The following SMPD4 variants were observed in gnomAD, a reference collection of about 807,000 sequenced individuals.
SMPD4 encodes the protein neutral sphingomyelinase 3.
SMPD4 carries 58 observed loss-of-function variants against 97.8 expected under a neutral mutation model. The observed-to-expected ratio is 0.59, with a 90% CI of 0.48 to 0.74. The LOEUF (loss-of-function observed/expected upper bound fraction) is 0.74. SMPD4 is among the 30% of genes least tolerant of loss of function. The probability of loss-of-function intolerance (pLI) is 0.00; values close to 1 mark genes in which losing one functional copy is unlikely to be tolerated. For synonymous variants in SMPD4, 388 were observed against 450.0 expected (o/e 0.86, Z 1.74); for missense variants, 853 against 1,080.5 (o/e 0.79, Z 2.95).
At position 130,158,703 on chromosome 2, in the gene SMPD4, C is replaced by G. The variant is rs114583281; in HGVS notation, c.952-1307G>C. On this transcript the variant is annotated intron_variant, in intron 11 of 19. Coordinates refer to ENST00000680298, the MANE Select transcript of SMPD4 (RefSeq NM_017951.5). ...GCATTGGGAGGGCAGGTGGGCGCAT[C>G]GAGAGTAGACGAGGGCAGGGAAGTA... Among the ~76,000 whole-genome samples, 800 of 152,204 alleles carry G rather than the reference C, an allele frequency of 5.3e-3. 7 individuals are homozygous for G. Among genetic ancestry groups the G allele is most frequent in the Middle Eastern group, 0.034 (10 of 294 alleles).
At chr2:130,162,959 G>T (rs941440130) in intron 10 of SMPD4, among the ~76,000 whole-genome samples, 8 of 152,242 alleles carry the variant, frequency 5.3e-5, no homozygotes, top group Non-Finnish European at 1.2e-4. Flanking sequence ...TGCACCTCCT[G>T]CCCTCCACAG....
chr2:130,155,832 C>G (rs1686728184), intron 14 of SMPD4, among the ~76,000 whole-genome samples: 1 of 152,072 alleles, frequency 6.6e-6, no homozygotes, highest in Non-Finnish European at 1.5e-5. Flanking sequence ...CATAAGAAAC[C>G]AATTCTAGGG....
chr2:130,153,164 TTGA>T lies in SMPD4; in HGVS notation c.2030_2032del (p.Ile677del). On this transcript the variant is annotated inframe_deletion, in exon 19 of 20. Coordinates refer to ENST00000680298, the MANE Select transcript of SMPD4 (RefSeq NM_017951.5). Reference sequence around the variant, plus strand: ...CTCAATTTCAAACCTTCGCAGCCCATTGATGATCTAGAAAGCCAGGCCATGGGG... The same window carrying T: ...CTCAATTTCAAACCTTCGCAGCCCATTGATCTAGAAAGCCAGGCCATGGGG... 1 of 1,613,768 alleles carries T rather than the reference TTGA, an allele frequency of 6.2e-7. No individual in the cohort carries two copies.
Position 130,152,514 on chromosome 2 carries a change from T to C in SMPD4, c.*41A>G. On this transcript the variant is annotated 3_prime_UTR_variant, in exon 20 of 20. Transcript: ENST00000680298. ...CTCTCAGCCCAAGGGTGGGGCTGTG[T>C]GGCAAATCCCTCCAGCCTGCTCTGA... The C allele has an allele frequency of 6.6e-7, 1 of 1,509,790 alleles. No individual in the cohort carries two copies. Among genetic ancestry groups the C allele is most frequent in the African/African-American group, 1.4e-5 (1 of 72,458 alleles). The allele number at this position is 1,509,790 out of a possible 1,614,324, so 93.5% of individuals were successfully genotyped here. A position where few individuals can be genotyped will look rare whatever the true frequency, so the allele number is the denominator to read the frequency against.
rs770639854 is a variant in SMPD4, at chr2:130,156,140, G to T, written c.1189-5C>A. 6.2e-6 allele frequency: 10 copies of T among 1,607,550 alleles called. No homozygotes were observed. The highest frequency in any genetic ancestry group is 8.5e-7 in the Non-Finnish European group (1 of 1,176,950). On this transcript the variant is annotated splice_polypyrimidine_tract_variant and splice_region_variant and intron_variant, in intron 13 of 19. Coordinates refer to ENST00000680298, the MANE Select transcript of SMPD4 (RefSeq NM_017951.5). ...GCTCAGCCACATCTCCAGGACCTGT[G>T]GGGGAGGTGTGTGCTAAGGGCTCCG...
At chr2:130,155,446 G>C (rs1264786509) in intron 14 of SMPD4, among the ~76,000 whole-genome samples, 187 bp from the exon 15 acceptor site, 1 of 152,150 alleles carries the variant, frequency 6.6e-6, no homozygotes, top group Non-Finnish European at 1.5e-5. Context: ...ACAGAGGCAG[G>C]TAAGACCCAG....
At chr2:130,166,246 T>C (rs1326567719) in intron 9 of SMPD4, among the ~76,000 whole-genome samples, 1 of 140,754 alleles carries the variant, frequency 7.1e-6, no homozygotes, top group African/African-American at 2.7e-5. Flanking sequence ...GAGGTGAAGG[T>C]TGCACAGAGC....
intron 9 of SMPD4, among the ~76,000 whole-genome samples, chr2:130,166,965 C>G (rs1284751693): frequency 6.6e-6 from 1 of 152,242 alleles, no homozygotes; most frequent in East Asian, 1.9e-4. Flanking sequence ...AAAACGCCAT[C>G]AATGACATTC....
intron 1 of SMPD4, among the ~76,000 whole-genome samples, chr2:130,179,577 G>A (rs1011757697): frequency 6.6e-6 from 1 of 151,620 alleles, no homozygotes; most frequent in Non-Finnish European, 1.5e-5. Context: ...TAGTAGAGGC[G>A]GGTTTCCCTA....
In SMPD4 at chr2:130,173,173, C is replaced by T. The variant is rs375368877; in HGVS notation, c.345+106G>A. On this transcript the variant is annotated intron_variant, in intron 5 of 19. Transcript: ENST00000680298. ...TGCCTCTCACACCCCTGGAACGAAT[C>T]GCTCCTCAATTTGCCCTCAGAGGAC... 3,255 of 1,157,448 alleles carry T rather than the reference C, an allele frequency of 2.8e-3. 10 individuals are homozygous for T. The highest frequency in any genetic ancestry group is 3.8e-3 in the Non-Finnish European group (2,966 of 785,200). 71.7% of individuals were successfully genotyped at this position (1,157,448 alleles called of 1,614,324 possible). A position where few individuals can be genotyped will look rare whatever the true frequency, so the allele number is the denominator to read the frequency against.
upstream of SMPD4, chr2:130,181,707 C>G (rs1414688990): frequency 1.9e-6 from 3 of 1,548,184 alleles, no homozygotes; most frequent in Non-Finnish European, 1.7e-6. Context: ...GCCGGCCGGG[C>G]GGGGAAGAGA....
intron 8 of SMPD4, among the ~76,000 whole-genome samples, chr2:130,171,658 T>C (rs565366630): frequency 6.6e-6 from 1 of 152,278 alleles, no homozygotes; most frequent in East Asian, 1.9e-4. Flanking sequence ...ACGTGAATTG[T>C]AGGTAAAGGC....
intron 8 of SMPD4, among the ~76,000 whole-genome samples, chr2:130,172,037 T>C (rs2104896318): frequency 1.3e-5 from 2 of 152,328 alleles, no homozygotes; most frequent in South Asian, 4.1e-4. Context: ...CTTTCCACCC[T>C]GCTCACTGAC....
At chr2:130,156,191 C>G (rs1686785689) in intron 13 of SMPD4, 56 bp from the exon 14 acceptor site, 1 of 1,511,894 alleles carries the variant, frequency 6.6e-7, no homozygotes, top group Admixed American at 1.8e-5. Context: ...TACTCGGTGG[C>G]CTGGAGCCCA....
At position 130,153,907 on chromosome 2, in the gene SMPD4, T is replaced by G. The variant is rs576579540; in HGVS notation, c.1688A>C (p.Gln563Pro). ...GATGGACTTGGCTGTGTGTTTGGCC[T>G]GTGTGATGAGCTGAGCGAGGCGCAG... ...LVLRLAQLIT[Q>P]AKHTAKSISD... Residue 563 changes from glutamine (Q) to proline (P), a missense_variant, in exon 17 of 20, where the codon CAG (glutamine) becomes CCG (proline). Gln to Pro is a moderately conservative substitution (Grantham distance 76). Coordinates refer to ENST00000680298, the MANE Select transcript of SMPD4 (RefSeq NM_017951.5). 1 of 1,613,798 alleles carries G rather than the reference T, an allele frequency of 6.2e-7. No individual in the cohort carries two copies. The highest frequency in any genetic ancestry group is 8.5e-7 in the Non-Finnish European group (1 of 1,179,862).
chr2:130,156,906 C>G (rs1205825064), intron 12 of SMPD4: 9 of 1,194,740 alleles, frequency 7.5e-6, no homozygotes, highest in Admixed American at 4.1e-5. Flanking sequence ...CTCCTGCACA[C>G]ACCTCACCCT....
chr2:130,167,986 A>G (rs1029510046), intron 8 of SMPD4, among the ~76,000 whole-genome samples: 16 of 152,202 alleles, frequency 1.1e-4, no homozygotes, highest in Admixed American at 2.0e-4. Flanking sequence ...GGATTTCTTG[A>G]GGCCAGGCAT....
chr2:130,181,324 C>T, intron 1 of SMPD4: 1 of 1,426,326 alleles, frequency 7.0e-7, no homozygotes, highest in Non-Finnish European at 9.1e-7. Context: ...ACGAGCCGCG[C>T]GGGAAGGTGG....
intron 11 of SMPD4, chr2:130,157,600 T>C (rs1686944063): frequency 1.9e-6 from 2 of 1,065,458 alleles, no homozygotes; most frequent in Non-Finnish European, 2.7e-6. Flanking sequence ...GTCTGAACTG[T>C]GACCAGCTTG....
Sources: allele counts gnomAD v4.1 joint callset (sites outside exome capture counted in the v4.1 genomes callset), GRCh38; gene constraint gnomAD v4.1.1; transcripts MANE v1.5; gene names NCBI Gene and HGNC (gene_info 2026-07-23, HGNC 2026-07-21).